WWOX: variants seen among roughly 807,000 people sequenced by gnomAD.
WWOX encodes the protein WW domain containing oxidoreductase.
In WWOX, 69 loss-of-function variants were observed where a neutral mutation model predicts 46.2. The observed-to-expected ratio is 1.49, with a 90% CI of 1.23 to 1.82. WWOX has a LOEUF of 1.82. WWOX is among the 40% of genes most tolerant of loss of function. The pLI, the probability that WWOX is intolerant of heterozygous loss-of-function variation, is 0.00. For synonymous variants in WWOX, 359 were observed against 202.6 expected (o/e 1.77, Z -6.56); for missense variants, 919 against 542.6 (o/e 1.69, Z -6.89).
chr16:78,785,200 T>A (rs1219335732), intron 8 of WWOX, among the ~76,000 whole-genome samples: 2 of 152,222 alleles, frequency 1.3e-5, no homozygotes, highest in Non-Finnish European at 2.9e-5. Flanking sequence ...ATGAAGTGTC[T>A]TTTGCTAGCA....
At chr16:79,066,954 T>A (rs953632451) in intron 8 of WWOX, among the ~76,000 whole-genome samples, 1 of 124,084 alleles carries the variant, frequency 8.1e-6, no homozygotes, top group African/African-American at 2.9e-5. Flanking sequence ...TTGGCAGAGA[T>A]GGCAGAGATG....
At chr16:78,107,166 A>G (rs138528887) in intron 1 of WWOX, among the ~76,000 whole-genome samples, 1 of 152,222 alleles carries the variant, frequency 6.6e-6, no homozygotes, top group Admixed American at 6.5e-5. Flanking sequence ...CTGGGTTGGC[A>G]TGAGTAGGTG....
chr16:79,149,811 C>T (rs1460665856), intron 8 of WWOX, among the ~76,000 whole-genome samples: 1 of 152,178 alleles, frequency 6.6e-6, no homozygotes. Context: ...GTTCTGTTGG[C>T]ATGGATGCTC....
At chr16:78,965,990 A>C (rs1182182123) in intron 8 of WWOX, among the ~76,000 whole-genome samples, 2 of 152,170 alleles carry the variant, frequency 1.3e-5, no homozygotes, top group South Asian at 2.1e-4. Context: ...TTGGTTCTGC[A>C]CCTGAGAACA....
At chr16:78,312,012 G>A (rs937440211) in intron 5 of WWOX, among the ~76,000 whole-genome samples, 2 of 152,070 alleles carry the variant, frequency 1.3e-5, no homozygotes, top group Admixed American at 6.5e-5. Flanking sequence ...CATGTTCCTC[G>A]ATCCATGGCT....
intron 8 of WWOX, among the ~76,000 whole-genome samples, chr16:78,487,294 G>T (rs1481436458): frequency 6.6e-6 from 1 of 151,848 alleles, no homozygotes; most frequent in African/African-American, 2.4e-5. Context: ...CTAAAGCAGA[G>T]ATTTGGTTAT....
At chr16:78,699,497 C>A (rs1311021627) in intron 8 of WWOX, among the ~76,000 whole-genome samples, 1 of 152,140 alleles carries the variant, frequency 6.6e-6, no homozygotes, top group African/African-American at 2.4e-5. Flanking sequence ...TGAGATCGTG[C>A]CACTGTACTC....
intron 5 of WWOX, among the ~76,000 whole-genome samples, chr16:78,330,617 G>T (rs1156301160): frequency 1.3e-5 from 2 of 152,286 alleles, no homozygotes; most frequent in East Asian, 3.9e-4. Flanking sequence ...GGATGCTCTC[G>T]ATCTTTTGAC....
chr16:78,294,263 C>T (rs2079906834), intron 5 of WWOX, among the ~76,000 whole-genome samples: 1 of 152,140 alleles, frequency 6.6e-6, no homozygotes, highest in South Asian at 2.1e-4. Context: ...CCTGCCTTGA[C>T]ATCTCTGTGC....
chr16:79,152,424 C>A (rs1265309137), intron 8 of WWOX, among the ~76,000 whole-genome samples: 7 of 152,096 alleles, frequency 4.6e-5, no homozygotes, highest in Non-Finnish European at 1.0e-4. Context: ...GTAATCCCAG[C>A]ACTTTGGGAC....
intron 8 of WWOX, among the ~76,000 whole-genome samples, chr16:79,089,887 G>A (rs1476813931): frequency 6.6e-6 from 1 of 151,448 alleles, no homozygotes; most frequent in Admixed American, 6.6e-5. Context: ...GTTCAAGGGG[G>A]GCTTGGGTGC....
At chr16:78,424,578 A>G (rs1755853537) in intron 6 of WWOX, among the ~76,000 whole-genome samples, 1 of 152,194 alleles carries the variant, frequency 6.6e-6, no homozygotes, top group South Asian at 2.1e-4. Flanking sequence ...CTCTTCGCAG[A>G]TTGCCTGCTG....
intron 8 of WWOX, among the ~76,000 whole-genome samples, chr16:78,761,122 A>C (rs759873667): frequency 6.6e-6 from 1 of 152,178 alleles, no homozygotes; most frequent in Non-Finnish European, 1.5e-5. Context: ...GCCAAACCAT[A>C]TTACAGGCTA....
intron 8 of WWOX, among the ~76,000 whole-genome samples, chr16:78,597,583 T>C (rs1183742010): frequency 6.6e-6 from 1 of 152,200 alleles, no homozygotes; most frequent in Non-Finnish European, 1.5e-5. Flanking sequence ...ACTTAGATTT[T>C]TCTGGAAACC....
chr16:78,792,254 C>T (rs964853098), intron 8 of WWOX, among the ~76,000 whole-genome samples: 2 of 152,202 alleles, frequency 1.3e-5, no homozygotes, highest in Non-Finnish European at 1.5e-5. Context: ...ACGAGTCTGG[C>T]AATGGGGCTG....
intron 4 of WWOX, among the ~76,000 whole-genome samples, chr16:78,137,165 A>T (rs1259097086): frequency 6.6e-6 from 1 of 152,208 alleles, no homozygotes; most frequent in Non-Finnish European, 1.5e-5. Flanking sequence ...AATGGAGAAG[A>T]TGCCTTTTTC....
intron 8 of WWOX, among the ~76,000 whole-genome samples, chr16:78,595,080 C>G (rs550554878): frequency 6.6e-6 from 1 of 152,150 alleles, no homozygotes; most frequent in African/African-American, 2.4e-5. Flanking sequence ...TGGAAGCTGC[C>G]ATGCGCATGA....
At chr16:79,160,558 TG>T (rs1023204643) in intron 8 of WWOX, among the ~76,000 whole-genome samples, 3 of 152,210 alleles carry the variant, frequency 2.0e-5, no homozygotes, top group Non-Finnish European at 4.4e-5. Context: ...AATTCTGAGG[TG>T]AAGTGGAGGC....
intron 8 of WWOX, among the ~76,000 whole-genome samples, chr16:78,952,003 C>A (rs1409496314): frequency 1.3e-5 from 2 of 152,110 alleles, no homozygotes; most frequent in East Asian, 1.9e-4. Context: ...ATCTTCCCAC[C>A]CTCAGATAAA....
Sources: gnomAD v4.1 joint callset for allele counts (sites outside exome capture counted in the v4.1 genomes callset) on GRCh38, gnomAD v4.1.1 for gene constraint, MANE v1.5 for transcripts, NCBI Gene and HGNC (gene_info 2026-07-23, HGNC 2026-07-21) for gene names.